HS6ST3: variants seen among roughly 807,000 people sequenced by gnomAD.
HS6ST3 encodes heparan-sulfate 6-O-sulfotransferase 3.
In HS6ST3, 12 loss-of-function variants were observed where a neutral mutation model predicts 36.7. The ratio of observed to expected loss-of-function variants is 0.33; its 90% CI spans 0.21 to 0.53. The LOEUF (loss-of-function observed/expected upper bound fraction) is 0.53, where lower values mean the gene tolerates loss of function less well. HS6ST3 is among the 20% of genes least tolerant of loss of function. The probability of loss-of-function intolerance (pLI) is 0.95; values close to 1 mark genes in which losing one functional copy is unlikely to be tolerated. For synonymous variants in HS6ST3, 240 were observed against 257.5 expected (o/e 0.93, Z 0.65); for missense variants, 584 against 640.9 (o/e 0.91, Z 0.96).
intron 1 of HS6ST3, among the ~76,000 whole-genome samples, chr13:96,767,789 G>T (rs1335574775): frequency 6.6e-6 from 1 of 152,168 alleles, no homozygotes; most frequent in Non-Finnish European, 1.5e-5. Context: ...GTCCAAATGT[G>T]CATCAGCCCA....
At chr13:96,332,509 G>A (rs1594755793) in intron 1 of HS6ST3, among the ~76,000 whole-genome samples, 1 of 152,306 alleles carries the variant, frequency 6.6e-6, no homozygotes, top group East Asian at 1.9e-4. Flanking sequence ...TGTCTTCTGA[G>A]AATGTAGTCT....
intron 1 of HS6ST3, among the ~76,000 whole-genome samples, chr13:96,530,324 T>C (rs184456750): frequency 6.6e-6 from 1 of 152,282 alleles, no homozygotes; most frequent in East Asian, 1.9e-4. Flanking sequence ...GGATAGTGAA[T>C]GCAGTCACTC....
intron 1 of HS6ST3, among the ~76,000 whole-genome samples, chr13:96,715,267 A>T (rs1875666441): frequency 6.6e-6 from 1 of 152,038 alleles, no homozygotes; most frequent in Non-Finnish European, 1.5e-5. Context: ...CCTATGAAGA[A>T]AAAAAAACAT....
intron 1 of HS6ST3, among the ~76,000 whole-genome samples, chr13:96,711,954 A>G (rs113025422): frequency 0.014 from 2,116 of 152,328 alleles, 45 homozygotes; most frequent in African/African-American, 0.048. Flanking sequence ...TAAGTTGAGT[A>G]GATCAGTTAG....
At chr13:96,673,319 A>G (rs147525601) in intron 1 of HS6ST3, among the ~76,000 whole-genome samples, 10 of 152,270 alleles carry the variant, frequency 6.6e-5, no homozygotes, top group African/African-American at 2.4e-4. Flanking sequence ...TCCTTTTCCC[A>G]ATTAAGATAA....
intron 1 of HS6ST3, among the ~76,000 whole-genome samples, chr13:96,562,686 T>TA (rs1247091890): frequency 3.3e-5 from 5 of 152,016 alleles, no homozygotes; most frequent in Non-Finnish European, 5.9e-5. Flanking sequence ...ATCATAACAT[T>TA]AAAAAAATCA....
At chr13:96,695,323 C>T (rs1246567603) in intron 1 of HS6ST3, among the ~76,000 whole-genome samples, 1 of 152,132 alleles carries the variant, frequency 6.6e-6, no homozygotes, top group East Asian at 1.9e-4. Context: ...GTTGCCATTG[C>T]CCTTCTGAAT....
chr13:96,715,396 A>G (rs1346487571), intron 1 of HS6ST3, among the ~76,000 whole-genome samples: 1 of 152,174 alleles, frequency 6.6e-6, no homozygotes, highest in Non-Finnish European at 1.5e-5. Flanking sequence ...TAGCTTAAAA[A>G]GAGCTCTAAA....
chr13:96,608,469 T>C (rs531148363), intron 1 of HS6ST3, among the ~76,000 whole-genome samples: 23 of 152,216 alleles, frequency 1.5e-4, no homozygotes, highest in Admixed American at 1.2e-3. Flanking sequence ...TAAACTTGAG[T>C]CTGATGCTTC....
At chr13:96,602,144 C>A (rs1469473001) in intron 1 of HS6ST3, among the ~76,000 whole-genome samples, 1 of 152,116 alleles carries the variant, frequency 6.6e-6, no homozygotes, top group African/African-American at 2.4e-5. Context: ...TATGCAATAC[C>A]CCAGTGGTGG....
intron 1 of HS6ST3, among the ~76,000 whole-genome samples, chr13:96,577,519 G>GAT (rs769077106): frequency 5.3e-5 from 8 of 151,970 alleles, no homozygotes; most frequent in Non-Finnish European, 7.4e-5. Context: ...TAATCCTTTG[G>GAT]ATATATATAT....
At chr13:96,825,016 T>C (rs9513185) in intron 1 of HS6ST3, among the ~76,000 whole-genome samples, 25,919 of 152,120 alleles carry the variant, frequency 0.17, 2,326 homozygotes, top group African/African-American at 0.21. Flanking sequence ...TCTCTGGTTT[T>C]GTGGGGCAAT....
At chr13:96,242,540 C>T (rs1423742548) in intron 1 of HS6ST3, among the ~76,000 whole-genome samples, 1 of 152,040 alleles carries the variant, frequency 6.6e-6, no homozygotes. Flanking sequence ...TAGGTCCTTA[C>T]ATAAGTGGAA....
chr13:96,385,334 T>G (rs1433688254), intron 1 of HS6ST3, among the ~76,000 whole-genome samples: 1 of 152,212 alleles, frequency 6.6e-6, no homozygotes, highest in Non-Finnish European at 1.5e-5. Flanking sequence ...AGCTATTTCA[T>G]ATCTATAAGA....
At chr13:96,812,778 A>AAC (rs57237051) in intron 1 of HS6ST3, among the ~76,000 whole-genome samples, 25,438 of 150,802 alleles carry the variant, frequency 0.17, 2,198 homozygotes, top group African/African-American at 0.2. Flanking sequence ...TTTAAAAATC[A>AAC]ACACACACAC....
chr13:96,815,633 T>C (rs1878404815), intron 1 of HS6ST3, among the ~76,000 whole-genome samples: 1 of 152,116 alleles, frequency 6.6e-6, no homozygotes, highest in Non-Finnish European at 1.5e-5. Context: ...ATTTAATCAC[T>C]CAATTTCTTT....
At chr13:96,161,306 T>C (rs9590367) in intron 1 of HS6ST3, among the ~76,000 whole-genome samples, 2,156 of 152,266 alleles carry the variant, frequency 0.014, 28 homozygotes, top group South Asian at 0.052. Context: ...ATGGAAAGTT[T>C]CATAGGAGAG....
Position 96,779,131 on chromosome 13 carries a change from G to A in HS6ST3, c.708-53359G>A, listed in dbSNP as rs146832474. Among the ~76,000 whole-genome samples the A allele has an allele frequency of 1.0e-3, 157 of 152,096 alleles. No individual in the cohort carries two copies. In the East Asian group the frequency reaches 0.026, roughly 25 times the overall value. On this transcript the variant is annotated intron_variant, in intron 1 of 1. Coordinates refer to ENST00000376705, the MANE Select transcript of HS6ST3 (RefSeq NM_153456.4). ...GGGAGTTGAGTGATGAGAACACATG[G>A]ACACAGGGAGGGGAACATCACACAC... is the stretch of plus-strand genomic sequence containing the variant.
chr13:96,323,178 G>A (rs2055013321), intron 1 of HS6ST3, among the ~76,000 whole-genome samples: 1 of 152,130 alleles, frequency 6.6e-6, no homozygotes, highest in Non-Finnish European at 1.5e-5. Context: ...TGCATATATA[G>A]TGACACTTCT....
Sources: gnomAD v4.1 joint callset for allele counts (sites outside exome capture counted in the v4.1 genomes callset) on GRCh38, gnomAD v4.1.1 for gene constraint, MANE v1.5 for transcripts, NCBI Gene and HGNC (gene_info 2026-07-23, HGNC 2026-07-21) for gene names.